The following MBP variants were observed in gnomAD, a reference collection of about 807,000 sequenced individuals.
The protein encoded by MBP is Golli-MBP.
MBP carries 16 observed loss-of-function variants against 35.8 expected under a neutral mutation model. That is an observed-to-expected ratio of 0.45 (90% confidence interval 0.30 to 0.68). The LOEUF is 0.68. Among genes scored for constraint, MBP ranks in the 30% least tolerant of loss-of-function variants. MBP has a pLI of 0.08. For missense variants in MBP, 380 were observed against 404.7 expected (o/e 0.94, Z 0.52); for synonymous variants, 143 against 159.6 (o/e 0.90, Z 0.78).
intron 4 of MBP, chr18:77,015,558 C>T (rs1971579616): frequency 1.0e-6 from 1 of 985,294 alleles, no homozygotes; most frequent in Non-Finnish European, 1.2e-6. Context: ...CCATTAGTAT[C>T]TAAGACACAC....
chr18:77,049,235 A>G (rs1298496543), intron 3 of MBP, among the ~76,000 whole-genome samples: 1 of 152,148 alleles, frequency 6.6e-6, no homozygotes, highest in African/African-American at 2.4e-5. Context: ...AGGGTTTTTA[A>G]TCTGTTTTGT....
chr18:77,039,189 G>A (rs1186318502), intron 3 of MBP, among the ~76,000 whole-genome samples: 1 of 152,212 alleles, frequency 6.6e-6, no homozygotes, highest in African/African-American at 2.4e-5. Context: ...CACAGAGACT[G>A]CGTAGCCTGC....
intron 2 of MBP, among the ~76,000 whole-genome samples, chr18:77,072,084 A>G (rs954956142): frequency 6.6e-6 from 1 of 152,178 alleles, no homozygotes; most frequent in East Asian, 1.9e-4. Flanking sequence ...CGACACAGTC[A>G]TATGTGGCAC....
At chr18:77,111,551 G>C (rs965852375) in intron 1 of MBP, among the ~76,000 whole-genome samples, 1 of 152,256 alleles carries the variant, frequency 6.6e-6, no homozygotes, top group South Asian at 2.1e-4. Flanking sequence ...GGAGGGCCCT[G>C]GTGTCGTGTG....
At chr18:77,027,370 T>C (rs923343595) in intron 3 of MBP, among the ~76,000 whole-genome samples, 2 of 152,204 alleles carry the variant, frequency 1.3e-5, no homozygotes, top group Non-Finnish European at 2.9e-5. Flanking sequence ...TGTATCTGCC[T>C]GCACACGCCT....
At chr18:77,000,477 A>G (rs1385611797) in intron 4 of MBP, among the ~76,000 whole-genome samples, 1 of 152,256 alleles carries the variant, frequency 6.6e-6, no homozygotes, top group East Asian at 1.9e-4. Flanking sequence ...GGTAAATAAA[A>G]ATAACTTGCT....
intron 4 of MBP, chr18:77,002,761 C>T (rs1343610140): frequency 3.3e-5 from 5 of 152,198 alleles, no homozygotes; most frequent in African/African-American, 1.2e-4. Flanking sequence ...GGATGAGAGG[C>T]TCACGTTACC....
intron 2 of MBP, among the ~76,000 whole-genome samples, chr18:77,067,620 C>A (rs1173822732): frequency 6.6e-6 from 1 of 152,180 alleles, no homozygotes; most frequent in East Asian, 1.9e-4. Context: ...ACTGAGCGGG[C>A]GTCAGTGCTG....
chr18:77,029,234 C>A (rs375711756), intron 3 of MBP, among the ~76,000 whole-genome samples: 8,822 of 147,114 alleles, frequency 0.06, 315 homozygotes, highest in Middle Eastern at 0.097. Context: ...CACAGCGAAA[C>A]CCCGGCTCCA....
chr18:76,987,758 C>T (rs1382177898), intron 7 of MBP: 6 of 1,007,422 alleles, frequency 6.0e-6, no homozygotes, highest in Non-Finnish European at 5.9e-6. Context: ...CAGTAAGAAT[C>T]ATATCTGGTA....
At chr18:77,065,238 T>C (rs1250522272) in intron 3 of MBP, among the ~76,000 whole-genome samples, 1 of 152,226 alleles carries the variant, frequency 6.6e-6, no homozygotes, top group Non-Finnish European at 1.5e-5. Flanking sequence ...TCCCAGGGCA[T>C]GGCACTGGCA....
intron 1 of MBP, among the ~76,000 whole-genome samples, chr18:77,132,269 C>A (rs1256109880): frequency 6.6e-6 from 1 of 151,244 alleles, no homozygotes; most frequent in Non-Finnish European, 1.5e-5. Context: ...GCGCTGTAAA[C>A]CCGCGTCTAC....
At chr18:77,019,381 G>A (rs1222416535) in intron 3 of MBP, among the ~76,000 whole-genome samples, 1 of 152,186 alleles carries the variant, frequency 6.6e-6, no homozygotes, top group Non-Finnish European at 1.5e-5. Context: ...TAAGAAGAGA[G>A]CAGTTTGGAC....
At chr18:77,098,708 G>A (rs1248949178) in intron 2 of MBP, among the ~76,000 whole-genome samples, 2 of 152,168 alleles carry the variant, frequency 1.3e-5, no homozygotes, top group Admixed American at 1.3e-4. Context: ...TTACCGTAAG[G>A]GCTTGGGAGG....
chr18:76,997,266 A>G (rs1266750688), intron 4 of MBP, among the ~76,000 whole-genome samples: 1 of 152,224 alleles, frequency 6.6e-6, no homozygotes, highest in Non-Finnish European at 1.5e-5. Flanking sequence ...AAGTGACCAG[A>G]GGAACAAAAG....
chr18:77,084,426 CCACACCACACACACACACACACA>C (rs1335471159), intron 2 of MBP, among the ~76,000 whole-genome samples: 4 of 58,514 alleles, frequency 6.8e-5, no homozygotes, highest in East Asian at 8.1e-4. Flanking sequence ...CCCCGCCACA[CCACACCACACACACACACACACA>C]CACACACACA....
chr18:76,980,312 A>T lies in MBP; in HGVS notation c.*115T>A. The T allele has an allele frequency of 1.0e-6, 1 of 961,502 alleles. No individual in the cohort carries two copies. The highest frequency in any genetic ancestry group is 1.3e-5 in the South Asian group (1 of 77,726). The allele number at this position is 961,502 out of a possible 1,614,324, so 59.6% of individuals were successfully genotyped here. A position where few individuals can be genotyped will look rare whatever the true frequency, so the allele number is the denominator to read the frequency against. ...GACCCTACTACGTGCACAACTCCGC[A>T]GGCATTAGGGGAGGGGTCATCTGCT... On this transcript the variant is annotated 3_prime_UTR_variant, in exon 9 of 9. Coordinates refer to ENST00000355994, the MANE Select transcript of MBP (RefSeq NM_001025101.2).
intron 3 of MBP, among the ~76,000 whole-genome samples, chr18:77,029,382 G>A (rs1972445701): frequency 7.0e-6 from 1 of 143,258 alleles, no homozygotes. Context: ...CTTCGGCTCG[G>A]CATCAGAGGG....
At chr18:77,018,784 A>ACC (rs1971829996) in intron 3 of MBP, among the ~76,000 whole-genome samples, 4 of 84,148 alleles carry the variant, frequency 4.8e-5, no homozygotes, top group African/African-American at 6.7e-5. Flanking sequence ...ATCCATCCAC[A>ACC]TATCAGTCCA....
Sources: gnomAD v4.1 joint callset for allele counts (sites outside exome capture counted in the v4.1 genomes callset) on GRCh38, gnomAD v4.1.1 for gene constraint, MANE v1.5 for transcripts, NCBI Gene and HGNC (gene_info 2026-07-23, HGNC 2026-07-21) for gene names.